MEIKIN: variants seen among roughly 807,000 people sequenced by gnomAD.
The protein encoded by MEIKIN is meiosis-specific kinetochore protein.
intron 8 of MEIKIN, among the ~76,000 whole-genome samples, chr5:131,909,702 C>T (rs1191181601): frequency 6.6e-6 from 1 of 152,038 alleles, no homozygotes; most frequent in Non-Finnish European, 1.5e-5. Flanking sequence ...ATATAAGGAG[C>T]TCACACAACT....
intron 9 of MEIKIN, among the ~76,000 whole-genome samples, chr5:131,865,368 C>T (rs528736346): frequency 5.3e-4 from 80 of 151,746 alleles, no homozygotes; most frequent in African/African-American, 1.4e-3. Flanking sequence ...TGCAGGCATG[C>T]GCCACCATGC....
At chr5:131,894,307 T>C (rs1430517809) in intron 8 of MEIKIN, among the ~76,000 whole-genome samples, 5 of 152,246 alleles carry the variant, frequency 3.3e-5, no homozygotes, top group African/African-American at 4.8e-5. Flanking sequence ...TGTAGCCTTG[T>C]AGTATAGTTT....
At chr5:131,905,475 A>G (rs1045781838) in intron 8 of MEIKIN, among the ~76,000 whole-genome samples, 2 of 152,148 alleles carry the variant, frequency 1.3e-5, no homozygotes, top group Non-Finnish European at 2.9e-5. Flanking sequence ...ATGAAAAAAA[A>G]CATACAAAAC....
At chr5:131,897,553 AGTCCCAGAAGCCTCTTGGAGGCTT>A (rs1230568753) in intron 8 of MEIKIN, among the ~76,000 whole-genome samples, 2 of 152,184 alleles carry the variant, frequency 1.3e-5, no homozygotes, top group African/African-American at 4.8e-5. Context: ...CTTTTCACAT[AGTCCCAGAAGCCTCTTGGAGGCTT>A]GTTTGTTCCT....
At chr5:131,837,048 A>T (rs367752959) in intron 11 of MEIKIN, among the ~76,000 whole-genome samples, 9 of 152,234 alleles carry the variant, frequency 5.9e-5, no homozygotes, top group African/African-American at 2.2e-4. Flanking sequence ...ATTTTTACAC[A>T]TGGTGTAAGG....
chr5:131,832,940 G>A (rs1001840104), intron 11 of MEIKIN, among the ~76,000 whole-genome samples: 1 of 152,228 alleles, frequency 6.6e-6, no homozygotes, highest in Non-Finnish European at 1.5e-5. Flanking sequence ...TGTGATGGGA[G>A]GGGCTGCTTT....
intron 11 of MEIKIN, among the ~76,000 whole-genome samples, chr5:131,848,305 GAA>G (rs1750052746): frequency 6.6e-6 from 1 of 152,000 alleles, no homozygotes; most frequent in African/African-American, 2.4e-5. Context: ...AAAAGGGAAA[GAA>G]GACTTAAATT....
At chr5:131,915,168 C>T (rs1357439327) in intron 7 of MEIKIN, among the ~76,000 whole-genome samples, 2 of 152,136 alleles carry the variant, frequency 1.3e-5, no homozygotes, top group African/African-American at 4.8e-5. Context: ...GACTCTACTA[C>T]AAAGGTTGTG....
At chr5:131,833,033 C>A (rs1209601959) in intron 11 of MEIKIN, among the ~76,000 whole-genome samples, 1 of 152,246 alleles carries the variant, frequency 6.6e-6, no homozygotes, top group Non-Finnish European at 1.5e-5. Context: ...CTGCAAATTT[C>A]TGCAGCCAGC....
chr5:131,880,673 GT>G (rs2149629066), intron 8 of MEIKIN, among the ~76,000 whole-genome samples: 1 of 152,296 alleles, frequency 6.6e-6, no homozygotes, highest in East Asian at 1.9e-4. Flanking sequence ...TGCAAATAGT[GT>G]TTGCTTAAAA....
At chr5:131,863,215 A>C (rs1750317426) in intron 9 of MEIKIN, among the ~76,000 whole-genome samples, 1 of 152,212 alleles carries the variant, frequency 6.6e-6, no homozygotes, top group African/African-American at 2.4e-5. Context: ...CATAGGATCT[A>C]TCCTGGAGAA....
At chr5:131,882,637 A>G (rs184335325) in intron 8 of MEIKIN, among the ~76,000 whole-genome samples, 64 of 152,346 alleles carry the variant, frequency 4.2e-4, no homozygotes, top group Non-Finnish European at 7.3e-4. Context: ...CTGCTCTAAG[A>G]TGATCTAAGA....
rs184118623 is a variant in MEIKIN at position 131,862,973 on chromosome 5, A to G, written c.775-8139T>C. On this transcript the variant is annotated intron_variant, in intron 9 of 12. Transcript: ENST00000442687. The stretch of plus-strand genomic sequence containing the variant: ...TGCAGCCTCCCCAAGTGCTGGGATT[A>G]CAAGCATGAGCCACTGTTCCTGTCC... 8.5e-5 allele frequency among the ~76,000 whole-genome samples: 13 copies of G among 152,332 alleles called. No homozygotes were observed. The South Asian group carries it at 1.7e-3, about 19-fold the overall frequency.
At chr5:131,890,066 T>G (rs1750881003) in intron 8 of MEIKIN, among the ~76,000 whole-genome samples, 1 of 152,184 alleles carries the variant, frequency 6.6e-6, no homozygotes, top group Non-Finnish European at 1.5e-5. Flanking sequence ...TGAAGCCCAC[T>G]TGATCATGGT....
intron 12 of MEIKIN, among the ~76,000 whole-genome samples, chr5:131,809,782 G>A (rs1297490532): frequency 3.3e-5 from 5 of 149,920 alleles, no homozygotes; most frequent in Non-Finnish European, 7.4e-5. Flanking sequence ...TGGCAACAGA[G>A]TGAGACTCTG....
intron 9 of MEIKIN, among the ~76,000 whole-genome samples, chr5:131,864,178 T>C (rs111342387): frequency 0.017 from 2,538 of 152,336 alleles, 41 homozygotes; most frequent in Admixed American, 0.025. Flanking sequence ...ATCATTGATA[T>C]GTCATGCTTT....
At chr5:131,905,115 A>C (rs2149640693) in intron 8 of MEIKIN, among the ~76,000 whole-genome samples, 1 of 152,316 alleles carries the variant, frequency 6.6e-6, no homozygotes, top group Middle Eastern at 3.4e-3. Context: ...TGTATCCCAG[A>C]ACTTAAAGTA....
intron 11 of MEIKIN, among the ~76,000 whole-genome samples, chr5:131,849,441 C>A (rs1284274740): frequency 7.6e-5 from 4 of 52,766 alleles, no homozygotes; most frequent in Admixed American, 2.0e-4. Context: ...ATAAAGAAAC[C>A]TCTTTTCTTT....
intron 11 of MEIKIN, among the ~76,000 whole-genome samples, chr5:131,823,106 C>A (rs1204895178): frequency 6.6e-6 from 1 of 151,844 alleles, no homozygotes; most frequent in African/African-American, 2.4e-5. Context: ...TTTCTTGCTG[C>A]TTTTAGGATC....
Sources: allele counts gnomAD v4.1 joint callset (sites outside exome capture counted in the v4.1 genomes callset), GRCh38; gene constraint gnomAD v4.1.1; transcripts MANE v1.5; gene names NCBI Gene and HGNC (gene_info 2026-07-23, HGNC 2026-07-21).